The following ZNF276 variants were observed in gnomAD, a reference collection of about 807,000 sequenced individuals.
ZNF276 encodes the protein centromere protein Z.
In ZNF276, 59 loss-of-function variants were observed where a neutral mutation model predicts 63.9. The observed-to-expected ratio is 0.92, with a 90% CI of 0.75 to 1.15. The LOEUF is 1.15. Ranked by LOEUF, ZNF276 falls within the 50% of genes most tolerant of loss-of-function variation. The probability of loss-of-function intolerance (pLI) is 0.00; values close to 1 mark genes in which losing one functional copy is unlikely to be tolerated. For missense variants in ZNF276, 1,084 were observed against 843.8 expected, an observed-to-expected ratio of 1.28 and a Z score of -3.53; for synonymous variants, 496 against 348.4, an observed-to-expected ratio of 1.42 and a Z score of -4.72.
rs55873203 is a variant in ZNF276 at position 89,739,013 on chromosome 16, T to TA, written c.*768dup. On this transcript the variant is annotated 3_prime_UTR_variant, in exon 11 of 11. Transcript: ENST00000443381. ...AGGCAAACTCACAGGTTAGAAGACA[T>TA]ACAGAAACAGGGCTGGTGTGTCCCC... The TA allele has an allele frequency of 1.4e-3, 2,233 of 1,614,044 alleles. 27 individuals carry two copies. The African/African-American group carries it at 0.027, about 19-fold the overall frequency.
chr16:89,739,542 C>G lies in ZNF276; in HGVS notation c.*1296C>G, dbSNP rs1178460453. 2 of 1,551,264 alleles carry G rather than the reference C, an allele frequency of 1.3e-6. No homozygotes were observed. Among genetic ancestry groups the G allele is most frequent in the Admixed American group, 3.9e-5 (2 of 51,006 alleles). ...GGGGCCACACGGAGGAGGAGCCGCC[C>G]CAGCCTGAGGTCTGCAACACCAAGA... On this transcript the variant is annotated 3_prime_UTR_variant, in exon 11 of 11. Coordinates refer to ENST00000443381, the MANE Select transcript of ZNF276 (RefSeq NM_001113525.2).
Position 89,737,994 on chromosome 16 carries a change from C to T in ZNF276, c.1593C>T (p.Phe531=). The T allele has an allele frequency of 6.2e-7, 1 of 1,614,160 alleles. No homozygotes were observed. Among genetic ancestry groups the T allele is most frequent in the South Asian group, 1.1e-5 (1 of 91,088 alleles). ...AKPLQCEVCG[F]QCRQRASLKY... is the part of the protein sequence containing the mutation. ...CCCCCAGGTGTGAGGTCTGTGGGTTCCAGTGCAGGCAGCGGGCATCCCTCA... is the reference window on the plus strand; with the variant it reads ...CCCCCAGGTGTGAGGTCTGTGGGTTTCAGTGCAGGCAGCGGGCATCCCTCA... Residue 531 remains phenylalanine (F), a synonymous_variant, in exon 11 of 11, where the codon TTC becomes TTT. Transcript: ENST00000443381.
At chr16:89,722,423 G>A (rs962230115) in intron 1 of ZNF276, 108 bp from the exon 2 acceptor site, 36 of 1,320,098 alleles carry the variant, frequency 2.7e-5, no homozygotes, top group Non-Finnish European at 3.5e-5. Flanking sequence ...GTGTCCGGGA[G>A]CCGCGCGAAG....
chr16:89,729,940 C>T (rs2151682309), intron 6 of ZNF276, among the ~76,000 whole-genome samples: 1 of 152,276 alleles, frequency 6.6e-6, no homozygotes, highest in Admixed American at 6.5e-5. Flanking sequence ...GCCCTATACC[C>T]AGCAGTACCC....
chr16:89,729,476 C>T lies in ZNF276; in HGVS notation c.1169+158C>T, dbSNP rs578155422. Among the ~76,000 whole-genome samples, 22 of 151,852 alleles carry T rather than the reference C, an allele frequency of 1.4e-4. No individual in the cohort carries two copies. The highest frequency in any genetic ancestry group is 1.0e-3 in the South Asian group (5 of 4,786). ...GTGGCTTCCCTCAGTGAGCGGGAGG[C>T]GGGGGAGGGGCAGGCGGGCAGGTGA... On this transcript the variant is annotated intron_variant, in intron 6 of 10. Transcript: ENST00000443381.
At chr16:89,735,818 A>G (rs531706194) in intron 9 of ZNF276, among the ~76,000 whole-genome samples, 1 of 151,984 alleles carries the variant, frequency 6.6e-6, no homozygotes, top group East Asian at 1.9e-4. Context: ...TAGTTCAAGC[A>G]ATTCTCCTGT....
chr16:89,727,133 TG>T (rs1458994968), intron 4 of ZNF276, 145 bp from the exon 5 acceptor site: 1 of 806,364 alleles, frequency 1.2e-6, no homozygotes, highest in South Asian at 1.4e-5. Flanking sequence ...GCACCCTTGG[TG>T]GGGATGGGGC....
At chr16:89,734,157 G>A (rs914574136) in intron 9 of ZNF276, 119 bp downstream of exon 9, 1 of 863,436 alleles carries the variant, frequency 1.2e-6, no homozygotes, top group East Asian at 2.6e-5. Context: ...GGTGGCTCAT[G>A]GGGTCTTTGG....
upstream of ZNF276, chr16:89,720,915 G>A: frequency 3.9e-6 from 5 of 1,269,180 alleles, no homozygotes; most frequent in Non-Finnish European, 5.0e-6. Flanking sequence ...CGGGCGACCG[G>A]AGGCCCGGAA....
intron 9 of ZNF276, 143 bp from the exon 10 acceptor site, chr16:89,737,663 A>T (rs1337991641): frequency 4.0e-6 from 6 of 1,489,016 alleles, no homozygotes; most frequent in South Asian, 2.7e-5. Flanking sequence ...CGAGGCCCTC[A>T]TAGGCCCCTT....
At position 89,738,859 on chromosome 16, in the gene ZNF276, C is replaced by G; in HGVS notation, c.*613C>G. 2 of 1,614,228 alleles carry G rather than the reference C, an allele frequency of 1.2e-6. No homozygotes were observed. Among genetic ancestry groups the G allele is most frequent in the Non-Finnish European group, 1.7e-6 (2 of 1,180,040 alleles). ...CAATTCTCATGTCCCCCACATGGCCCAAGGTGGGCATCTTGACGTTACCTC... is the reference window on the plus strand; with the variant it reads ...CAATTCTCATGTCCCCCACATGGCCGAAGGTGGGCATCTTGACGTTACCTC... On this transcript the variant is annotated 3_prime_UTR_variant, in exon 11 of 11. Transcript: ENST00000443381.
chr16:89,735,590 G>T (rs1293142537), intron 9 of ZNF276, among the ~76,000 whole-genome samples: 1 of 152,126 alleles, frequency 6.6e-6, no homozygotes, highest in Non-Finnish European at 1.5e-5. Context: ...CCTGAAATTG[G>T]GCCGGGTGCA....
chr16:89,733,126 G>A (rs2061730205), intron 6 of ZNF276, 176 bp from the exon 7 acceptor site: 4 of 643,762 alleles, frequency 6.2e-6, no homozygotes, highest in African/African-American at 1.8e-5. Context: ...CGCCCCTGAG[G>A]CCTCCTGTCC....
chr16:89,729,460 C>T (rs2061576617), intron 6 of ZNF276, 142 bp downstream of exon 6: 2 of 739,872 alleles, frequency 2.7e-6, no homozygotes, highest in African/African-American at 1.8e-5. Context: ...CGTGGCTTCC[C>T]TCAGTGAGCG....
Position 89,722,677 on chromosome 16 carries a change from C to A in ZNF276, c.352C>A (p.Gln118Lys), listed in dbSNP as rs1185236036. 1 of 1,612,272 alleles carries A rather than the reference C, an allele frequency of 6.2e-7. No homozygotes were observed. The highest frequency in any genetic ancestry group is 1.7e-5 in the Admixed American group (1 of 60,008). ...GGAGCGCGTGCTCGTACGGGACTTC[C>A]AGCGCCTGCTTGGTGTGGCTGTCCG... is the stretch of plus-strand genomic sequence containing the variant. ...AEERVLVRDFQRLLGVAVRQD... is the reference protein window; with the variant it reads ...AEERVLVRDFKRLLGVAVRQD... The change falls in exon 2 of 11, where the codon CAG becomes AAG. Residue 118 changes from glutamine (Q) to lysine (K), a missense_variant. By Grantham distance (53) the Gln-to-Lys change is moderately conservative (BLOSUM62 1). Transcript: ENST00000443381.
At chr16:89,726,064 C>T (rs1597978389) in intron 4 of ZNF276, among the ~76,000 whole-genome samples, 1 of 152,292 alleles carries the variant, frequency 6.6e-6, no homozygotes, top group Admixed American at 6.5e-5. Flanking sequence ...CGCCCAGGCT[C>T]GAGTGCAGTG....
intron 4 of ZNF276, 37 bp from the exon 5 acceptor site, chr16:89,727,242 C>T (rs780568679): frequency 2.7e-5 from 44 of 1,602,754 alleles, no homozygotes; most frequent in Admixed American, 1.3e-4. Flanking sequence ...TTCTGTGCTC[C>T]GTGTTGGTAA....
At chr16:89,728,063 A>C (rs1597986282) in intron 5 of ZNF276, among the ~76,000 whole-genome samples, 1 of 152,098 alleles carries the variant, frequency 6.6e-6, no homozygotes, top group African/African-American at 2.4e-5. Flanking sequence ...AGGACACCCC[A>C]GTTTGGGGGC....
Position 89,723,323 on chromosome 16 carries a change from C to T in ZNF276, c.620C>T (p.Ala207Val). 2.5e-6 allele frequency: 4 copies of T among 1,612,956 alleles called. No individual in the cohort carries two copies. The highest frequency in any genetic ancestry group is 2.5e-6 in the Non-Finnish European group (3 of 1,180,022). Residue 207 changes from alanine (A) to valine (V), a missense_variant, in exon 4 of 11, where the codon GCG becomes GTG. Ala to Val is a moderately conservative substitution (Grantham distance 64, BLOSUM62 0). Coordinates refer to ENST00000443381, the MANE Select transcript of ZNF276 (RefSeq NM_001113525.2). ...HGLVGWVHGH[A>V]ASCGALPHLQ... ...TTGGTGGGGTGGGTGCATGGACATG[C>T]GGCCAGCTGCGGGGCCCTGCCCCAC...
Sources: allele counts gnomAD v4.1 joint callset (sites outside exome capture counted in the v4.1 genomes callset), GRCh38; gene constraint gnomAD v4.1.1; transcripts MANE v1.5; gene names NCBI Gene and HGNC (gene_info 2026-07-23, HGNC 2026-07-21).